KLHL8: variants seen among roughly 807,000 people sequenced by gnomAD.
The protein encoded by KLHL8 is kelch-like protein 8.
KLHL8 carries 38 observed loss-of-function variants against 63.5 expected under a neutral mutation model. That is an observed-to-expected ratio of 0.60 (90% CI 0.46 to 0.78). The LOEUF (loss-of-function observed/expected upper bound fraction) is 0.78, where lower values mean the gene tolerates loss of function less well. Among genes scored for constraint, KLHL8 ranks in the 30% least tolerant of loss-of-function variants. The probability of loss-of-function intolerance (pLI) is 0.00; values close to 1 mark genes in which losing one functional copy is unlikely to be tolerated. For missense variants in KLHL8, 566 were observed against 752.4 expected (o/e 0.75, Z 2.90); for synonymous variants, 224 against 254.3 (o/e 0.88, Z 1.13).
chr4:87,169,339 G>A (rs151240792), intron 8 of KLHL8, among the ~76,000 whole-genome samples: 119 of 152,230 alleles, frequency 7.8e-4, no homozygotes, highest in Middle Eastern at 6.8e-3. Flanking sequence ...TGGCTTACTT[G>A]AAGTATTCAA....
chr4:87,174,348 G>A (rs1419199568), intron 6 of KLHL8, among the ~76,000 whole-genome samples: 2 of 150,802 alleles, frequency 1.3e-5, no homozygotes, highest in Non-Finnish European at 2.9e-5. Flanking sequence ...GCGCAATCTC[G>A]GCTCACTGCA....
chr4:87,190,871 G>A (rs1731455930), intron 2 of KLHL8, among the ~76,000 whole-genome samples: 1 of 151,964 alleles, frequency 6.6e-6, no homozygotes, highest in Non-Finnish European at 1.5e-5. Flanking sequence ...AGCTATCTGT[G>A]GCCTCTTTTT....
At chr4:87,226,967 T>TTATATATAAATAATATATAA (rs1733034437) in intron 1 of KLHL8, among the ~76,000 whole-genome samples, 1 of 53,166 alleles carries the variant, frequency 1.9e-5, no homozygotes, top group African/African-American at 5.8e-5. Context: ...GTAATATATA[T>TTATATATAAATAATATATAA]TATATATAAA....
At position 87,202,036 on chromosome 4, in the gene KLHL8, G is replaced by A. The variant is rs186063675; in HGVS notation, c.-151-6346C>T. Reference sequence around the variant, plus strand: ...GCAGGAGAATGGTGGCATGAAATCGGGAGGCGGAGCTTGCAGTGAGCCGAG... The same window carrying A: ...GCAGGAGAATGGTGGCATGAAATCGAGAGGCGGAGCTTGCAGTGAGCCGAG... On this transcript the variant is annotated intron_variant, in intron 1 of 9. Coordinates refer to ENST00000273963, the MANE Select transcript of KLHL8 (RefSeq NM_020803.5). 2.5e-3 allele frequency among the ~76,000 whole-genome samples: 385 copies of A among 151,304 alleles called. 3 individuals carry two copies. Among genetic ancestry groups the A allele is most frequent in the African/African-American group, 8.9e-3 (368 of 41,172 alleles).
At chr4:87,223,783 A>G (rs149510928), upstream of KLHL8, among the ~76,000 whole-genome samples, 80 of 152,344 alleles carry the variant, frequency 5.3e-4, no homozygotes, top group East Asian at 0.015. Flanking sequence ...TTAAAAATAT[A>G]TACAGTATCT....
chr4:87,166,491 C>T (rs1033228087), intron 8 of KLHL8, among the ~76,000 whole-genome samples: 1 of 152,060 alleles, frequency 6.6e-6, no homozygotes, highest in Non-Finnish European at 1.5e-5. Context: ...TACAAAGTGC[C>T]GGAAACACTT....
At position 87,217,334 on chromosome 4, in the gene KLHL8, T is replaced by A. The variant is rs148511795; in HGVS notation, c.-152+3084A>T. Among the ~76,000 whole-genome samples the A allele has an allele frequency of 9.2e-5, 14 of 151,980 alleles. No homozygotes were observed. The East Asian group carries it at 2.7e-3, about 29-fold the overall frequency. ...ACATTTATCCTCCCTCATCTCTTGCTTTTTTTGGGGGTGGGGGGAAATAGG... is the reference window on the plus strand; with the variant it reads ...ACATTTATCCTCCCTCATCTCTTGCATTTTTTGGGGGTGGGGGGAAATAGG... On this transcript the variant is annotated intron_variant, in intron 1 of 9. Transcript: ENST00000273963.
chr4:87,188,846 G>A (rs66527077), intron 2 of KLHL8, among the ~76,000 whole-genome samples: 29,907 of 152,048 alleles, frequency 0.2, 3,565 homozygotes, highest in East Asian at 0.48. Context: ...AGACATTACC[G>A]TGTATTTAGA....
intron 8 of KLHL8, chr4:87,167,429 A>C (rs2149827017): frequency 2.1e-6 from 1 of 480,160 alleles, no homozygotes. Flanking sequence ...GTGTTCTCCT[A>C]CTCCAGGCTG....
intron 1 of KLHL8, among the ~76,000 whole-genome samples, chr4:87,234,163 G>T (rs1325035914): frequency 1.3e-5 from 2 of 152,212 alleles, no homozygotes; most frequent in African/African-American, 4.8e-5. Flanking sequence ...CAGCTGGCTG[G>T]GTGTGGTGGC....
At chr4:87,235,889 G>A (rs1456331726) in intron 1 of KLHL8, among the ~76,000 whole-genome samples, 2 of 152,092 alleles carry the variant, frequency 1.3e-5, no homozygotes, top group East Asian at 1.9e-4. Context: ...GCCGCGGGGC[G>A]GGTCGGTGGG....
chr4:87,232,582 T>TA (rs1189691004), intron 1 of KLHL8, among the ~76,000 whole-genome samples: 1 of 152,216 alleles, frequency 6.6e-6, no homozygotes, highest in Non-Finnish European at 1.5e-5. Context: ...TCGATGTAAC[T>TA]AAAAAATGCC....
intron 1 of KLHL8, among the ~76,000 whole-genome samples, chr4:87,212,652 T>C (rs1189423504): frequency 1.3e-5 from 2 of 152,218 alleles, no homozygotes; most frequent in Non-Finnish European, 2.9e-5. Flanking sequence ...ATATCAGTGT[T>C]CTGGTCCACA....
chr4:87,198,057 G>A (rs1731769956), intron 1 of KLHL8, among the ~76,000 whole-genome samples: 1 of 150,440 alleles, frequency 6.6e-6, no homozygotes, highest in Admixed American at 6.6e-5. Flanking sequence ...AGTGGCTCAT[G>A]CCTATAATCC....
upstream of KLHL8, among the ~76,000 whole-genome samples, chr4:87,225,152 A>T (rs1013726888): frequency 2.6e-5 from 4 of 151,574 alleles, no homozygotes; most frequent in Non-Finnish European, 5.9e-5. Context: ...TGTTCCTTCT[A>T]CCCCTTTGCC....
chr4:87,167,825 T>G (rs921534684), intron 8 of KLHL8: 4 of 207,698 alleles, frequency 1.9e-5, no homozygotes, highest in Non-Finnish European at 3.9e-5. Flanking sequence ...ACTGAAAAAT[T>G]TCCTATTAAT....
chr4:87,174,149 T>C (rs897709551), intron 6 of KLHL8, among the ~76,000 whole-genome samples: 12 of 152,116 alleles, frequency 7.9e-5, no homozygotes, highest in African/African-American at 2.9e-4. Context: ...ATGTCTCAGG[T>C]ATGGTTTTAC....
chr4:87,172,521 AAAAC>A (rs1320632341), intron 6 of KLHL8, among the ~76,000 whole-genome samples: 1 of 152,222 alleles, frequency 6.6e-6, no homozygotes, highest in Non-Finnish European at 1.5e-5. Context: ...ACCCCATCAC[AAAAC>A]AAACAAAAAT....
chr4:87,181,714 G>A (rs929122028), intron 4 of KLHL8, among the ~76,000 whole-genome samples: 4 of 151,922 alleles, frequency 2.6e-5, no homozygotes, highest in African/African-American at 9.7e-5. Context: ...CCTTAAAACA[G>A]AATAAAACGA....
Sources: gnomAD v4.1 joint callset for allele counts (sites outside exome capture counted in the v4.1 genomes callset) on GRCh38, gnomAD v4.1.1 for gene constraint, MANE v1.5 for transcripts, NCBI Gene and HGNC (gene_info 2026-07-23, HGNC 2026-07-21) for gene names.